The following TNIP1 variants were observed in gnomAD, a reference collection of about 807,000 sequenced individuals.
The protein encoded by TNIP1 is TNFAIP3 interacting protein 1.
A neutral mutation model predicts 86.6 loss-of-function variants in TNIP1; 22 were observed. The observed-to-expected ratio is 0.25, with a 90% CI of 0.18 to 0.36. The LOEUF (loss-of-function observed/expected upper bound fraction) is 0.36. Ranked by LOEUF, TNIP1 falls within the 10% of genes least tolerant of loss-of-function variation. The pLI is 1.00. For missense variants in TNIP1, 709 were observed against 820.6 expected (o/e 0.86, Z 1.66); for synonymous variants, 294 against 313.0 (o/e 0.94, Z 0.64).
In TNIP1 at chr5:151,057,892, C is replaced by T. The variant is rs149275698; in HGVS notation, c.436-935G>A. On this transcript the variant is annotated intron_variant, in intron 5 of 17. Transcript: ENST00000521591. ...GTGTATAGGTTATAGGGAACTACTACGCCATTTTACATCAGGGACTTGAGC... is the reference window on the plus strand; with the variant it reads ...GTGTATAGGTTATAGGGAACTACTATGCCATTTTACATCAGGGACTTGAGC... Among the ~76,000 whole-genome samples the T allele has an allele frequency of 3.3e-4, 50 of 152,250 alleles. No individual in the cohort carries two copies. In the Middle Eastern group the frequency reaches 0.014, roughly 41 times the overall value.
At chr5:151,059,716 C>G (rs1761137184) in intron 5 of TNIP1, among the ~76,000 whole-genome samples, 1 of 148,398 alleles carries the variant, frequency 6.7e-6, no homozygotes, top group South Asian at 2.2e-4. Context: ...AGGAAAAAGG[C>G]AGCCAGTGTT....
At chr5:151,087,680 T>A (rs1210984669), upstream of TNIP1, 1 of 152,142 alleles carries the variant, frequency 6.6e-6, no homozygotes, top group African/African-American at 2.4e-5. Flanking sequence ...CATTTGGATG[T>A]CAAGTAAGGC....
At chr5:151,040,882 A>C (rs1758330790) in intron 11 of TNIP1, among the ~76,000 whole-genome samples, 1 of 152,178 alleles carries the variant, frequency 6.6e-6, no homozygotes, top group Non-Finnish European at 1.5e-5. Flanking sequence ...AAATCTCCCA[A>C]GAGTCTGGCA....
intron 6 of TNIP1, among the ~76,000 whole-genome samples, chr5:151,054,695 A>G (rs1561846746): frequency 1.3e-5 from 2 of 152,228 alleles, no homozygotes. Context: ...CCCCTTAAAA[A>G]AAAGAAATCA....
chr5:151,049,960 T>C lies in TNIP1; in HGVS notation c.723-13A>G, dbSNP rs1759690132. On this transcript the variant is annotated splice_polypyrimidine_tract_variant and intron_variant, in intron 7 of 17. Transcript: ENST00000521591. ...CAAATTTTCCTCCCTGGGATGGAGG[T>C]AAACAGAGAAATCACAATGCTGACC... The C allele has an allele frequency of 6.2e-7, 1 of 1,613,898 alleles. No individual in the cohort carries two copies. The highest frequency in any genetic ancestry group is 2.2e-5 in the East Asian group (1 of 44,880).
At chr5:151,060,244 C>A in intron 5 of TNIP1, 74 bp downstream of exon 5, 1 of 1,524,958 alleles carries the variant, frequency 6.6e-7, no homozygotes, top group South Asian at 1.1e-5. Flanking sequence ...GGTTCTGTGC[C>A]TCTCACATGG....
chr5:151,033,967 A>G (rs60602178), intron 15 of TNIP1, among the ~76,000 whole-genome samples, 168 bp from the exon 16 acceptor site: 21,150 of 152,284 alleles, frequency 0.14, 1,985 homozygotes, highest in East Asian at 0.43. Context: ...ATCTGGATAC[A>G]TGGGCATAGA....
chr5:151,060,842 C>A (rs898689878), intron 4 of TNIP1, among the ~76,000 whole-genome samples: 1 of 152,248 alleles, frequency 6.6e-6, no homozygotes, highest in Admixed American at 6.5e-5. Context: ...GACTGCAGAT[C>A]CAGCATTCCT....
intron 9 of TNIP1, among the ~76,000 whole-genome samples, chr5:151,044,274 G>C (rs1347229058): frequency 6.6e-6 from 1 of 152,024 alleles, no homozygotes; most frequent in Non-Finnish European, 1.5e-5. Context: ...ACTCCTGGTT[G>C]CAAGTAATCT....
At position 151,042,682 on chromosome 5, in the gene TNIP1, AG is replaced by A. The variant is rs1347450419; in HGVS notation, c.1003-12del. On this transcript the variant is annotated splice_polypyrimidine_tract_variant and intron_variant, in intron 10 of 17. Transcript: ENST00000521591. ...ACGCAGCTCAGTGATCTGGGTTCAG[AG>A]GCAGAGAGGAGTGTGTGAGGCAAGG... The A allele has an allele frequency of 2.5e-6, 4 of 1,613,614 alleles. No individual in the cohort carries two copies. The highest frequency in any genetic ancestry group is 3.4e-6 in the Non-Finnish European group (4 of 1,179,992).
rs114242330 is a variant in TNIP1, at chr5:151,057,391, G to A, written c.436-434C>T. ...TCAGCCCTCCATATCCATGGGTTCC[G>A]CATCCATGGATTCAACCAACTGCAG... On this transcript the variant is annotated intron_variant, in intron 5 of 17. Coordinates refer to ENST00000521591, the MANE Select transcript of TNIP1 (RefSeq NM_006058.5). 8.4e-3 allele frequency among the ~76,000 whole-genome samples: 1,277 copies of A among 152,244 alleles called. 19 individuals are homozygous for A. Among genetic ancestry groups the A allele is most frequent in the African/African-American group, 0.03 (1,236 of 41,542 alleles).
upstream of TNIP1, among the ~76,000 whole-genome samples, chr5:151,085,776 G>A (rs575034975): frequency 4.0e-4 from 61 of 152,296 alleles, no homozygotes; most frequent in African/African-American, 1.4e-3. Flanking sequence ...CATCCTCCTG[G>A]AAGTGGGAAC....
rs756335418 is a variant in TNIP1, at chr5:151,032,322, A to C, written c.1841T>G (p.Val614Gly). 6.2e-6 allele frequency: 10 copies of C among 1,613,932 alleles called. No homozygotes were observed. Among genetic ancestry groups the C allele is most frequent in the Non-Finnish European group, 8.5e-6 (10 of 1,179,976 alleles). ...AGGCCTGGCTGTGGGAGGGTCCATCACTTGGGAGCTCTGATTTGGATTTCG... is the reference window on the plus strand; with the variant it reads ...AGGCCTGGCTGTGGGAGGGTCCATCCCTTGGGAGCTCTGATTTGGATTTCG... ...GVRNPNQSSQ[V>G]MDPPTARPTE... The change falls in exon 17 of 18, where the codon GTG (valine) becomes GGG (glycine). Residue 614 changes from valine to glycine, a missense_variant. Coordinates refer to ENST00000521591, the MANE Select transcript of TNIP1 (RefSeq NM_006058.5).
chr5:151,069,553 C>A (rs983943588), intron 1 of TNIP1, among the ~76,000 whole-genome samples: 5 of 152,170 alleles, frequency 3.3e-5, no homozygotes, highest in African/African-American at 1.2e-4. Context: ...CCAGCTATCC[C>A]TGCAACCCTG....
intron 1 of TNIP1, among the ~76,000 whole-genome samples, chr5:151,072,261 T>C (rs983042241): frequency 1.3e-5 from 2 of 152,224 alleles, no homozygotes; most frequent in Non-Finnish European, 2.9e-5. Context: ...CTCCAGAACG[T>C]GCCCCAAGTT....
At chr5:151,033,228 G>A (rs909861519) in intron 16 of TNIP1, among the ~76,000 whole-genome samples, 3 of 151,768 alleles carry the variant, frequency 2.0e-5, no homozygotes, top group Non-Finnish European at 4.4e-5. Context: ...GAGAGGAAAG[G>A]AAAGGAAAGA....
rs747647386 is a variant in TNIP1 at position 151,049,966 on chromosome 5, G to C, written c.723-19C>G. The C allele has an allele frequency of 6.2e-7, 1 of 1,613,768 alleles. No individual in the cohort carries two copies. Among genetic ancestry groups the C allele is most frequent in the Admixed American group, 1.7e-5 (1 of 60,010 alleles). On this transcript the variant is annotated intron_variant, in intron 7 of 17. Coordinates refer to ENST00000521591, the MANE Select transcript of TNIP1 (RefSeq NM_006058.5). ...TTCCTCCCTGGGATGGAGGTAAACA[G>C]AGAAATCACAATGCTGACCCTGAGT...
At chr5:151,038,652 C>T (rs900156818) in intron 12 of TNIP1, among the ~76,000 whole-genome samples, 8 of 152,134 alleles carry the variant, frequency 5.3e-5, no homozygotes, top group African/African-American at 1.2e-4. Flanking sequence ...CTGTACAAGG[C>T]GCCCAGGGTA....
chr5:151,050,036 G>A (rs759534636), intron 7 of TNIP1, 89 bp from the exon 8 acceptor site: 122 of 1,580,888 alleles, frequency 7.7e-5, no homozygotes, highest in Non-Finnish European at 9.4e-5. Context: ...CGCATGAGTT[G>A]CAGCTGAGCC....
Sources: gnomAD v4.1 joint callset for allele counts (sites outside exome capture counted in the v4.1 genomes callset) on GRCh38, gnomAD v4.1.1 for gene constraint, MANE v1.5 for transcripts, NCBI Gene and HGNC (gene_info 2026-07-23, HGNC 2026-07-21) for gene names.